PKD2: variants seen among roughly 807,000 people sequenced by gnomAD.
PKD2 encodes polycystin 2, transient receptor potential cation channel.
PKD2 carries 48 observed loss-of-function variants against 105.9 expected under a neutral mutation model. The ratio of observed to expected loss-of-function variants is 0.45; its 90% CI spans 0.36 to 0.58. The LOEUF is 0.58. PKD2 is among the 20% of genes least tolerant of loss of function. The pLI is 0.00. For missense variants in PKD2, 1,078 were observed against 1,255.3 expected (o/e 0.86, Z 2.13); for synonymous variants, 464 against 481.1 (o/e 0.96, Z 0.46).
rs992690091 is a variant in PKD2, at chr4:88,007,979, C to T, written c.246C>T (p.Cys82=). 9 of 1,507,452 alleles carry T rather than the reference C, an allele frequency of 6.0e-6. No individual in the cohort carries two copies. In the African/African-American group the frequency reaches 1.3e-4, roughly 21 times the overall value. 93.4% of individuals were successfully genotyped at this position (1,507,452 alleles called of 1,614,324 possible). Residue 82 remains cysteine (C), a synonymous_variant, in exon 1 of 15, where the codon TGC becomes TGT. Coordinates refer to ENST00000237596, the MANE Select transcript of PKD2 (RefSeq NM_000297.4). Reference sequence around the variant, plus strand: ...CCCCTTCTCCTCCGCTCTCGTCGTGCTCCCGGCAGGCGTGGAGCCGCGATA... The same window carrying T: ...CCCCTTCTCCTCCGCTCTCGTCGTGTTCCCGGCAGGCGTGGAGCCGCGATA... ...AASPSPPLSS[C]SRQAWSRDNP... is the part of the protein sequence containing the mutation.
chr4:88,053,690 G>A (rs1720201120), intron 7 of PKD2, among the ~76,000 whole-genome samples: 1 of 151,344 alleles, frequency 6.6e-6, no homozygotes, highest in Non-Finnish European at 1.5e-5. Context: ...ACTTTATCCT[G>A]TATTTCTCAT....
intron 5 of PKD2, among the ~76,000 whole-genome samples, chr4:88,043,661 C>T (rs1043735414): frequency 8.5e-5 from 13 of 152,142 alleles, no homozygotes; most frequent in Non-Finnish European, 1.8e-4. Flanking sequence ...TAGAATATTA[C>T]GAGTTGGAAA....
intron 2 of PKD2, 49 bp from the exon 3 acceptor site, chr4:88,036,171 T>C: frequency 6.2e-7 from 1 of 1,613,606 alleles, no homozygotes; most frequent in Non-Finnish European, 8.5e-7. Context: ...GGTATGTGAA[T>C]GTGTGCCGGT....
rs1720121081 is a variant in PKD2 at position 88,051,992 on chromosome 4, T to C, written c.1550T>C (p.Leu517Pro). 1 of 1,559,604 alleles carries C rather than the reference T, an allele frequency of 6.4e-7. No homozygotes were observed. The highest frequency in any genetic ancestry group is 1.4e-5 in the African/African-American group (1 of 74,034). The change falls in exon 7 of 15, where the codon CTG becomes CCG. Residue 517 changes from leucine to proline, a missense_variant and splice_region_variant. Leu to Pro is a moderately conservative substitution (Grantham distance 98). Coordinates refer to ENST00000237596, the MANE Select transcript of PKD2 (RefSeq NM_000297.4). ...WNCLDVVIVV[L>P]SVVAIGINIY... ...AAATATAAATATTTTGCTTTTCAGC[T>C]GTCAGTGGTAGCTATAGGAATTAAC... is the stretch of plus-strand genomic sequence containing the variant.
At chr4:88,013,158 C>G (rs1401112752) in intron 1 of PKD2, among the ~76,000 whole-genome samples, 1 of 152,144 alleles carries the variant, frequency 6.6e-6, no homozygotes, top group Non-Finnish European at 1.5e-5. Context: ...TTTGAACAAG[C>G]AGACTTTGTA....
intron 2 of PKD2, among the ~76,000 whole-genome samples, chr4:88,024,336 AATCCC>A (rs1045141992): frequency 1.3e-5 from 2 of 151,782 alleles, no homozygotes; most frequent in African/African-American, 2.4e-5. Context: ...ATGCACCTGT[AATCCC>A]AGCTACTTAG....
intron 8 of PKD2, among the ~76,000 whole-genome samples, chr4:88,057,512 T>C (rs1159366545): frequency 6.6e-6 from 1 of 150,836 alleles, no homozygotes; most frequent in Non-Finnish European, 1.5e-5. Context: ...CTCAGCTCAC[T>C]GCAACCTCTG....
intron 13 of PKD2, among the ~76,000 whole-genome samples, chr4:88,071,531 G>A (rs766119308): frequency 1.3e-5 from 2 of 150,416 alleles, no homozygotes; most frequent in Admixed American, 1.3e-4. Flanking sequence ...ACATTTTCCT[G>A]TTTTTTTGTT....
chr4:88,007,732 C>G lies in PKD2; in HGVS notation c.-2C>G, dbSNP rs1325294561. On this transcript the variant is annotated 5_prime_UTR_variant, in exon 1 of 15. Coordinates refer to ENST00000237596, the MANE Select transcript of PKD2 (RefSeq NM_000297.4). ...CCCGCGCGCCGGACGCCAGTGACCG[C>G]GATGGTGAACTCCAGTCGCGTGCAG... 1 of 1,200,958 alleles carries G rather than the reference C, an allele frequency of 8.3e-7. No homozygotes were observed. Among genetic ancestry groups the G allele is most frequent in the South Asian group, 2.2e-5 (1 of 45,688 alleles). The allele number at this position is 1,200,958 out of a possible 1,614,324, so 74.4% of individuals were successfully genotyped here. A position where few individuals can be genotyped will look rare whatever the true frequency, so the allele number is the denominator to read the frequency against.
At chr4:88,065,686 C>A in intron 11 of PKD2, 76 bp from the exon 12 acceptor site, 1 of 1,231,846 alleles carries the variant, frequency 8.1e-7, no homozygotes, top group Non-Finnish European at 1.2e-6. Context: ...TTTCCTCCTG[C>A]ATTTTGATGT....
intron 4 of PKD2, among the ~76,000 whole-genome samples, chr4:88,042,188 AAG>A (rs1727589596): frequency 6.6e-6 from 1 of 152,250 alleles, no homozygotes; most frequent in Admixed American, 6.5e-5. Flanking sequence ...TTACCAAAGA[AAG>A]AGGTTTAATG....
At position 88,008,303 on chromosome 4, in the gene PKD2, G is replaced by T. The variant is rs541702320; in HGVS notation, c.570G>T (p.Ala190=). ...GGCAGCCGCCCCGAGTGGCCTGGGC[G>T]GAGAGGCTGGTTCGCGGGCTGCGAG... ...LEGQPPRVAW[A]ERLVRGLRGL... is the part of the protein sequence containing the mutation. The change falls in exon 1 of 15, where the codon GCG becomes GCT. Residue 190 remains alanine (A), a synonymous_variant. Transcript: ENST00000237596. 9.8e-4 allele frequency: 1,477 copies of T among 1,511,642 alleles called. 16 individuals are homozygous for T. The African/African-American group carries it at 0.019, about 19-fold the overall frequency. The allele number at this position is 1,511,642 out of a possible 1,614,324, so 93.6% of individuals were successfully genotyped here.
chr4:88,031,177 A>T (rs1727136315), intron 2 of PKD2, among the ~76,000 whole-genome samples: 1 of 152,246 alleles, frequency 6.6e-6, no homozygotes, highest in East Asian at 1.9e-4. Flanking sequence ...TTGTATTGCC[A>T]GATGGTTTTG....
At chr4:88,035,496 C>T (rs1727301398) in intron 2 of PKD2, among the ~76,000 whole-genome samples, 1 of 152,054 alleles carries the variant, frequency 6.6e-6, no homozygotes, top group South Asian at 2.1e-4. Context: ...TACCTCCAGG[C>T]TTTAGGGGAT....
intron 4 of PKD2, among the ~76,000 whole-genome samples, chr4:88,041,185 C>T (rs1305881366): frequency 6.6e-6 from 1 of 152,190 alleles, no homozygotes; most frequent in Non-Finnish European, 1.5e-5. Flanking sequence ...CTGAAAGAGA[C>T]TCCAGAGTCA....
At chr4:88,016,561 TCCCTGTAC>T in intron 1 of PKD2, among the ~76,000 whole-genome samples, 1 of 152,266 alleles carries the variant, frequency 6.6e-6, no homozygotes, top group East Asian at 1.9e-4. Context: ...ATGTAAAAGG[TCCCTGTAC>T]CCTAAGATTG....
chr4:88,037,007 T>C (rs1282780644), intron 3 of PKD2, among the ~76,000 whole-genome samples: 1 of 152,158 alleles, frequency 6.6e-6, no homozygotes, highest in Non-Finnish European at 1.5e-5. Context: ...GGCAGGAGGA[T>C]TGCTTTAGCC....
intron 6 of PKD2, among the ~76,000 whole-genome samples, chr4:88,050,229 C>T (rs1442311247): frequency 6.6e-6 from 1 of 152,118 alleles, no homozygotes; most frequent in African/African-American, 2.4e-5. Flanking sequence ...CCACCTCAGC[C>T]TCCCAAAGTG....
intron 7 of PKD2, among the ~76,000 whole-genome samples, chr4:88,054,868 A>T (rs901751119): frequency 6.6e-6 from 1 of 151,544 alleles, no homozygotes; most frequent in Non-Finnish European, 1.5e-5. Context: ...GTTAGCCAGG[A>T]TGGTCTCGAT....
Sources: gnomAD v4.1 joint callset for allele counts (sites outside exome capture counted in the v4.1 genomes callset) on GRCh38, gnomAD v4.1.1 for gene constraint, MANE v1.5 for transcripts, NCBI Gene and HGNC (gene_info 2026-07-23, HGNC 2026-07-21) for gene names.